The following FBN1 variants were observed in gnomAD, a reference collection of about 807,000 sequenced individuals.
The protein encoded by FBN1 is fibrillin 1, also known as fibrillin-1.
A neutral mutation model predicts 365.1 loss-of-function variants in FBN1; 29 were observed. That is an observed-to-expected ratio of 0.08 (90% CI 0.06 to 0.11). FBN1 has a LOEUF of 0.11. Among genes scored for constraint, FBN1 ranks in the 10% least tolerant of loss-of-function variants. The probability of loss-of-function intolerance (pLI) is 1.00; values close to 1 mark genes in which losing one functional copy is unlikely to be tolerated. For missense variants in FBN1, 2,476 were observed against 3,703.2 expected (o/e 0.67, Z 8.60); for synonymous variants, 1,210 against 1,270.5 (o/e 0.95, Z 1.01).
At chr15:48,496,328 A>T (rs570891651) in intron 19 of FBN1, 103 bp from the exon 20 acceptor site, 1 of 1,487,986 alleles carries the variant, frequency 6.7e-7, no homozygotes, top group African/African-American at 1.4e-5. Context: ...GACGTGATCA[A>T]TTCAAGCAAA....
chr15:48,613,599 T>A (rs932151696), intron 2 of FBN1, among the ~76,000 whole-genome samples: 1 of 151,596 alleles, frequency 6.6e-6, no homozygotes, highest in Non-Finnish European at 1.5e-5. Context: ...CAGAAAAAAA[T>A]AAAGGCCAAA....
At chr15:48,451,749 T>C (rs749755562) in intron 45 of FBN1, among the ~76,000 whole-genome samples, 1 of 152,228 alleles carries the variant, frequency 6.6e-6, no homozygotes, top group Non-Finnish European at 1.5e-5. Context: ...TTTTGCTAAA[T>C]ATACAGATTC....
chr15:48,472,102 T>C (rs1455413461), intron 35 of FBN1, among the ~76,000 whole-genome samples: 1 of 152,268 alleles, frequency 6.6e-6, no homozygotes, highest in African/African-American at 2.4e-5. Flanking sequence ...CTGCTTTTAT[T>C]TCTACAAACC....
At chr15:48,560,430 GCTTGCCTTA>G (rs1664898506) in intron 6 of FBN1, among the ~76,000 whole-genome samples, 1 of 152,152 alleles carries the variant, frequency 6.6e-6, no homozygotes, top group African/African-American at 2.4e-5. Flanking sequence ...CGTAACAAAT[GCTTGCCTTA>G]CTGGGTGCTC....
intron 6 of FBN1, among the ~76,000 whole-genome samples, chr15:48,552,810 G>C (rs1205494646): frequency 6.6e-6 from 1 of 152,150 alleles, no homozygotes; most frequent in Admixed American, 6.5e-5. Flanking sequence ...TATGTAGCTT[G>C]TATTTTAAAA....
At chr15:48,460,907 A>C (rs2043275684) in intron 42 of FBN1, among the ~76,000 whole-genome samples, 1 of 151,854 alleles carries the variant, frequency 6.6e-6, no homozygotes, top group African/African-American at 2.4e-5. Context: ...CTCTCACTTG[A>C]ATTAGTCAAA....
At chr15:48,503,173 G>A (rs946984488) in intron 17 of FBN1, among the ~76,000 whole-genome samples, 10 of 151,450 alleles carry the variant, frequency 6.6e-5, no homozygotes, top group Admixed American at 2.6e-4. Context: ...TGGCGCACAC[G>A]TGTAATCCCA....
At chr15:48,480,107 T>G (rs2043455247) in intron 32 of FBN1, among the ~76,000 whole-genome samples, 1 of 152,182 alleles carries the variant, frequency 6.6e-6, no homozygotes, top group Non-Finnish European at 1.5e-5. Flanking sequence ...AATCAGCCAC[T>G]GCACATGACC....
intron 2 of FBN1, among the ~76,000 whole-genome samples, chr15:48,619,490 T>C (rs1300794971): frequency 2.0e-5 from 3 of 152,030 alleles, no homozygotes; most frequent in African/African-American, 7.2e-5. Flanking sequence ...TCCCCTTTCC[T>C]ATCTGCCTTT....
chr15:48,465,923 A>G (rs2141270153), intron 38 of FBN1, 65 bp from the exon 39 acceptor site: 2 of 1,070,648 alleles, frequency 1.9e-6, no homozygotes, highest in East Asian at 2.4e-5. Flanking sequence ...AGTATCCTCA[A>G]GAGAAATACT....
In FBN1 at chr15:48,508,680, T is replaced by C; in HGVS notation, c.1739A>G (p.Asn580Ser). 6.2e-7 allele frequency: 1 copy of C among 1,613,794 alleles called. No homozygotes were observed. Among genetic ancestry groups the C allele is most frequent in the Non-Finnish European group, 8.5e-7 (1 of 1,179,722 alleles). Residue 580 changes from asparagine to serine, a missense_variant, in exon 15 of 66, where the codon AAC becomes AGC. By Grantham distance (46) the Asn-to-Ser change is conservative. Transcript: ENST00000316623. Reference protein sequence around the residue: ...CEDMDECSIRNMCLNGMCINE... With the variant: ...CEDMDECSIRSMCLNGMCINE... ...GATACACATTCCATTAAGGCACATG[T>C]TCCTTATGCTGCATTCATCCATATC...
At chr15:48,616,430 C>T (rs1238661607) in intron 2 of FBN1, among the ~76,000 whole-genome samples, 4 of 152,070 alleles carry the variant, frequency 2.6e-5, no homozygotes. Flanking sequence ...TATTAGAACT[C>T]GTTCAAACAA....
rs554268621 is a variant in FBN1 at position 48,472,271 on chromosome 15, C to A, written c.4336+280G>T. Reference sequence around the variant, plus strand: ...GATAAATGGGTTGCACTGATTTAACCACACTTGGTTACCCTCATTGACCAA... The same window carrying A: ...GATAAATGGGTTGCACTGATTTAACAACACTTGGTTACCCTCATTGACCAA... On this transcript the variant is annotated intron_variant, in intron 35 of 65. Coordinates refer to ENST00000316623, the MANE Select transcript of FBN1 (RefSeq NM_000138.5). Among the ~76,000 whole-genome samples the A allele has an allele frequency of 3.3e-5, 5 of 152,200 alleles. No homozygotes were observed. The South Asian group carries it at 1.0e-3, about 32-fold the overall frequency.
chr15:48,623,161 A>G (rs1369847667), intron 2 of FBN1, among the ~76,000 whole-genome samples: 1 of 152,238 alleles, frequency 6.6e-6, no homozygotes, highest in Admixed American at 6.5e-5. Context: ...AATATTGACT[A>G]AAGGCAATAG....
chr15:48,526,088 T>C, intron 9 of FBN1, 42 bp downstream of exon 9: 1 of 1,612,722 alleles, frequency 6.2e-7, no homozygotes, highest in Non-Finnish European at 8.5e-7. Context: ...GTTATGGAAC[T>C]GACTTACACA....
intron 2 of FBN1, among the ~76,000 whole-genome samples, chr15:48,632,130 T>C (rs1438247856): frequency 1.3e-5 from 2 of 152,116 alleles, no homozygotes; most frequent in African/African-American, 2.4e-5. Context: ...TAAAAACTTA[T>C]CCCCAAACTG....
chr15:48,466,989 G>A (rs1381124432), intron 38 of FBN1, among the ~76,000 whole-genome samples: 1 of 152,054 alleles, frequency 6.6e-6, no homozygotes, highest in Non-Finnish European at 1.5e-5. Flanking sequence ...TCACCCCTGT[G>A]CTGGGTGCTC....
intron 6 of FBN1, among the ~76,000 whole-genome samples, chr15:48,587,197 T>C (rs1052529431): frequency 1.3e-5 from 2 of 152,174 alleles, no homozygotes; most frequent in Non-Finnish European, 2.9e-5. Flanking sequence ...AAAAACAGCA[T>C]AGACTCTCTA....
intron 4 of FBN1, among the ~76,000 whole-genome samples, chr15:48,601,861 C>G (rs1007859388): frequency 7.7e-4 from 118 of 152,278 alleles, no homozygotes; most frequent in African/African-American, 2.8e-3. Flanking sequence ...CCATCAAAGG[C>G]CTGTTTCTAC....
Sources: allele counts gnomAD v4.1 joint callset (sites outside exome capture counted in the v4.1 genomes callset), GRCh38; gene constraint gnomAD v4.1.1; transcripts MANE v1.5; gene names NCBI Gene and HGNC (gene_info 2026-07-23, HGNC 2026-07-21).